MLLT10: variants seen among roughly 807,000 people sequenced by gnomAD.
The protein encoded by MLLT10 is MLLT10 histone lysine methyltransferase DOT1L cofactor.
Under a neutral mutation model 129.1 loss-of-function variants are expected in MLLT10, and 30 were observed. That is an observed-to-expected ratio of 0.23 (90% confidence interval 0.17 to 0.32). The LOEUF (loss-of-function observed/expected upper bound fraction) is 0.32, where lower values mean the gene tolerates loss of function less well. Among genes scored for constraint, MLLT10 ranks in the 10% least tolerant of loss-of-function variants. The pLI is 1.00. For missense variants in MLLT10, 1,119 were observed against 1,268.3 expected, an observed-to-expected ratio of 0.88 and a Z score of 1.79; for synonymous variants, 490 against 446.4, an observed-to-expected ratio of 1.10 and a Z score of -1.23.
chr10:21,547,318 A>G (rs1343760383), intron 3 of MLLT10, among the ~76,000 whole-genome samples: 1 of 152,114 alleles, frequency 6.6e-6, no homozygotes, highest in African/African-American at 2.4e-5. Context: ...GAACAAAACA[A>G]AGGTCCTTGG....
rs915452819 is a variant in MLLT10 at position 21,738,516 on chromosome 10, C to T, written c.2956-1514C>T. On this transcript the variant is annotated intron_variant, in intron 21 of 22. Transcript: ENST00000307729. ...TACTTTTTCCTTCATCTGCCAATGT[C>T]GTGGGCTAAAGTTTGTTCATTTACA... 6 of 1,287,752 alleles carry T rather than the reference C, an allele frequency of 4.7e-6. No homozygotes were observed. In the African/African-American group the frequency reaches 6.1e-5, roughly 13 times the overall value. The allele number at this position is 1,287,752 out of a possible 1,614,324, so 79.8% of individuals were successfully genotyped here.
chr10:21,596,229 T>G (rs188821143), intron 5 of MLLT10, among the ~76,000 whole-genome samples: 1 of 152,294 alleles, frequency 6.6e-6, no homozygotes, highest in East Asian at 1.9e-4. Context: ...TTTCTGTGTA[T>G]TTTTGCTTAT....
At chr10:21,542,499 G>C (rs1301276315) in intron 3 of MLLT10, among the ~76,000 whole-genome samples, 1 of 152,240 alleles carries the variant, frequency 6.6e-6, no homozygotes, top group East Asian at 1.9e-4. Flanking sequence ...GAACCCGGGA[G>C]GCAGAGGTTG....
At chr10:21,597,675 T>G (rs578223118) in intron 5 of MLLT10, among the ~76,000 whole-genome samples, 12 of 152,212 alleles carry the variant, frequency 7.9e-5, no homozygotes, top group Non-Finnish European at 1.8e-4. Flanking sequence ...CCCGGGTCTC[T>G]TTGGTCTTTT....
In MLLT10 at chr10:21,571,215, T is replaced by C. The variant is rs116828814; in HGVS notation, c.241-15079T>C. On this transcript the variant is annotated intron_variant, in intron 3 of 22. Transcript: ENST00000307729. The stretch of plus-strand genomic sequence containing the variant: ...TGGATGCTATTACCTCTAATTCTTT[T>C]GGTGATTTCTCATCTTGCCATTGGA... Among the ~76,000 whole-genome samples the C allele has an allele frequency of 3.9e-3, 598 of 152,336 alleles. 8 individuals carry two copies. The highest frequency in any genetic ancestry group is 0.014 in the African/African-American group (569 of 41,572).
chr10:21,609,655 G>C (rs1250982818), intron 5 of MLLT10, among the ~76,000 whole-genome samples: 1 of 152,142 alleles, frequency 6.6e-6, no homozygotes, highest in East Asian at 1.9e-4. Flanking sequence ...TCTTCTGGCT[G>C]TTCAGTTGTT....
chr10:21,580,886 T>C (rs2041359905), intron 3 of MLLT10, among the ~76,000 whole-genome samples: 1 of 143,728 alleles, frequency 7.0e-6, no homozygotes, highest in South Asian at 2.2e-4. Flanking sequence ...TTTTTTTTTT[T>C]TTTTTTTAGT....
intron 8 of MLLT10, among the ~76,000 whole-genome samples, chr10:21,648,315 A>G (rs2048703289): frequency 6.6e-6 from 1 of 152,222 alleles, no homozygotes; most frequent in South Asian, 2.1e-4. Context: ...TTCTTGATGT[A>G]TCACAGAGGA....
intron 8 of MLLT10, chr10:21,624,636 C>T: frequency 1.4e-6 from 2 of 1,454,242 alleles, no homozygotes; most frequent in South Asian, 2.8e-5. Flanking sequence ...TCCTGGTTGT[C>T]ATTATTGTAA....
At chr10:21,579,512 G>T (rs546555304) in intron 3 of MLLT10, among the ~76,000 whole-genome samples, 33 of 139,158 alleles carry the variant, frequency 2.4e-4, no homozygotes, top group Admixed American at 1.1e-3. Flanking sequence ...TGAAGCCCTG[G>T]TTTTTTTTTT....
intron 3 of MLLT10, among the ~76,000 whole-genome samples, chr10:21,562,821 T>TTTTTTC: frequency 7.6e-6 from 1 of 131,346 alleles, no homozygotes; most frequent in African/African-American, 2.9e-5. Flanking sequence ...TTTTTTTGTT[T>TTTTTTC]TTTTTTTTTT....
chr10:21,582,362 T>C (rs1241165983), intron 3 of MLLT10, among the ~76,000 whole-genome samples: 1 of 152,126 alleles, frequency 6.6e-6, no homozygotes, highest in Non-Finnish European at 1.5e-5. Context: ...TCAGGTGATC[T>C]GCCCGCCTCA....
chr10:21,575,331 A>C (rs929717904), intron 3 of MLLT10, among the ~76,000 whole-genome samples: 1 of 152,006 alleles, frequency 6.6e-6, no homozygotes, highest in Non-Finnish European at 1.5e-5. Flanking sequence ...TGGGTAGCTT[A>C]GATTACAGCC....
intron 11 of MLLT10, among the ~76,000 whole-genome samples, chr10:21,680,398 G>T (rs374429207): frequency 1.3e-5 from 2 of 151,652 alleles, no homozygotes; most frequent in Non-Finnish European, 2.9e-5. Flanking sequence ...TAGAGACGGG[G>T]TTTCGCCTTA....
At chr10:21,611,287 G>A (rs909726573) in intron 5 of MLLT10, among the ~76,000 whole-genome samples, 4 of 151,746 alleles carry the variant, frequency 2.6e-5, no homozygotes, top group African/African-American at 9.7e-5. Flanking sequence ...GGGATTACAG[G>A]TGTGAGCCAC....
intron 13 of MLLT10, among the ~76,000 whole-genome samples, chr10:21,707,443 G>A (rs2055640677): frequency 6.6e-6 from 1 of 151,842 alleles, no homozygotes; most frequent in Non-Finnish European, 1.5e-5. Context: ...CGCCCGTCTC[G>A]GCCTCCCAAA....
chr10:21,557,324 TCTTAA>T (rs1437043091), intron 3 of MLLT10: 1 of 369,626 alleles, frequency 2.7e-6, no homozygotes, highest in African/African-American at 2.2e-5. Context: ...CTTCAGTGAC[TCTTAA>T]CATAAAAGAT....
At chr10:21,733,307 C>A (rs895074740) in intron 18 of MLLT10, among the ~76,000 whole-genome samples, 197 bp from the exon 19 acceptor site, 2 of 152,000 alleles carry the variant, frequency 1.3e-5, no homozygotes, top group Non-Finnish European at 2.9e-5. Flanking sequence ...GTCTAATGAT[C>A]TCGTTATTGA....
At chr10:21,555,368 G>A (rs1342327463) in intron 3 of MLLT10, among the ~76,000 whole-genome samples, 2 of 151,386 alleles carry the variant, frequency 1.3e-5, no homozygotes, top group South Asian at 2.1e-4. Flanking sequence ...GATTACAGGC[G>A]CCTGCCACCA....
Sources: allele counts gnomAD v4.1 joint callset (sites outside exome capture counted in the v4.1 genomes callset), GRCh38; gene constraint gnomAD v4.1.1; transcripts MANE v1.5; gene names NCBI Gene and HGNC (gene_info 2026-07-23, HGNC 2026-07-21).